The following BMP1 variants were observed in gnomAD, a reference collection of about 807,000 sequenced individuals.
BMP1 encodes bone morphogenetic protein 1.
Under a neutral mutation model 116.8 loss-of-function variants are expected in BMP1, and 63 were observed. That is an observed-to-expected ratio of 0.54 (90% CI 0.44 to 0.67). The LOEUF (loss-of-function observed/expected upper bound fraction) is 0.67, where lower values mean the gene tolerates loss of function less well. BMP1 is among the 30% of genes least tolerant of loss of function. The pLI is 0.00. For synonymous variants in BMP1, 536 were observed against 533.4 expected (o/e 1.00, Z -0.07); for missense variants, 1,183 against 1,358.9 (o/e 0.87, Z 2.04).
intron 19 of BMP1, among the ~76,000 whole-genome samples, chr8:22,210,261 T>G (rs4076873): frequency 0.3 from 45,217 of 151,966 alleles, 8,047 homozygotes; most frequent in African/African-American, 0.5. Context: ...ACGTTAAGAG[T>G]CAATGAGCAA....
At chr8:22,187,156 A>T (rs1354733684) in intron 8 of BMP1, among the ~76,000 whole-genome samples, 2 of 151,658 alleles carry the variant, frequency 1.3e-5, no homozygotes, top group Non-Finnish European at 2.9e-5. Context: ...ACACCCGGCT[A>T]ATTTTTATAT....
At chr8:22,207,183 T>C in intron 17 of BMP1, 120 bp from the exon 18 acceptor site, 1 of 1,386,580 alleles carries the variant, frequency 7.2e-7, no homozygotes, top group Non-Finnish European at 1.0e-6. Flanking sequence ...TCCTTCACTG[T>C]CATCCCCAGC....
intron 15 of BMP1, chr8:22,199,090 C>G (rs752673931): frequency 3.7e-6 from 5 of 1,367,170 alleles, no homozygotes; most frequent in Non-Finnish European, 4.9e-6. Flanking sequence ...CCCCCATGCC[C>G]TGGTCGACAC....
At chr8:22,184,564 G>A (rs1828712783) in intron 8 of BMP1, among the ~76,000 whole-genome samples, 3 of 152,364 alleles carry the variant, frequency 2.0e-5, no homozygotes, top group African/African-American at 7.2e-5. Flanking sequence ...GCACCCTGGG[G>A]ACGTGAACAT....
chr8:22,181,904 C>T (rs1331532880), intron 8 of BMP1, among the ~76,000 whole-genome samples: 1 of 152,124 alleles, frequency 6.6e-6, no homozygotes, highest in Non-Finnish European at 1.5e-5. Context: ...CTTAAGCCCC[C>T]CAGTTGCTCC....
At chr8:22,187,515 T>TG in intron 8 of BMP1, among the ~76,000 whole-genome samples, 1 of 144,010 alleles carries the variant, frequency 6.9e-6, no homozygotes, top group African/African-American at 2.5e-5. Context: ...TTTTTTTTTT[T>TG]TTTTTTTGTA....
In BMP1 at chr8:22,165,882, C is replaced by CGTGCGTGT. The variant is rs1016666673; in HGVS notation, c.148+332_148+333insCGTGTGTG. On this transcript the variant is annotated intron_variant, in intron 1 of 19. Coordinates refer to ENST00000306385, the MANE Select transcript of BMP1 (RefSeq NM_006129.5). ...TTTTCTGGCCAAACTCCTGTGCGTG[C>CGTGCGTGT]GTGTGTGTGTGTGTGTGTGTGTGTG... is the stretch of plus-strand genomic sequence containing the variant. 3.6e-3 allele frequency among the ~76,000 whole-genome samples: 478 copies of CGTGCGTGT among 131,404 alleles called. 5 individuals are homozygous for CGTGCGTGT. The highest frequency in any genetic ancestry group is 0.011 in the African/African-American group (393 of 34,690). The allele number at this position is 131,404 out of a possible 152,430, so 86.2% of individuals were successfully genotyped here. A position where few individuals can be genotyped will look rare whatever the true frequency, so the allele number is the denominator to read the frequency against.
chr8:22,187,973 G>A (rs186083687), intron 8 of BMP1, among the ~76,000 whole-genome samples: 200 of 152,224 alleles, frequency 1.3e-3, no homozygotes, highest in African/African-American at 4.6e-3. Flanking sequence ...ATTGAAGCCA[G>A]ACAGTGAGTC....
chr8:22,199,074 G>C lies in BMP1; in HGVS notation c.2107+1654G>C, dbSNP rs141466591. The stretch of plus-strand genomic sequence containing the variant: ...CACATCTATCAGGCCTGGAGTTACT[G>C]CTCTGCCCCCATGCCCTGGTCGACA... On this transcript the variant is annotated intron_variant, in intron 15 of 19. Coordinates refer to ENST00000306385, the MANE Select transcript of BMP1 (RefSeq NM_006129.5). The C allele has an allele frequency of 1.1e-3, 1,548 of 1,365,968 alleles. 13 individuals carry two copies. The highest frequency in any genetic ancestry group is 1.0e-2 in the South Asian group (874 of 87,682). 84.6% of individuals were successfully genotyped at this position (1,365,968 alleles called of 1,614,324 possible). A position where few individuals can be genotyped will look rare whatever the true frequency, so the allele number is the denominator to read the frequency against.
At chr8:22,196,243 A>G (rs768200922) in intron 13 of BMP1, 2 of 528,860 alleles carry the variant, frequency 3.8e-6, no homozygotes, top group Middle Eastern at 6.2e-4. Flanking sequence ...CCGCCTCTCC[A>G]CGCATGGTCC....
At chr8:22,184,292 C>T (rs186813682) in intron 8 of BMP1, among the ~76,000 whole-genome samples, 184 of 152,326 alleles carry the variant, frequency 1.2e-3, no homozygotes, top group Admixed American at 1.4e-3. Flanking sequence ...TTCTTCCTGG[C>T]TGGCCTGGGC....
rs1563248004 is a variant in BMP1, at chr8:22,179,835, G to C, written c.961+6G>C. On this transcript the variant is annotated splice_donor_region_variant and intron_variant, in intron 7 of 19. Transcript: ENST00000306385. The surrounding 1 kb of genome is among the most constrained non-coding windows in gnomAD (Gnocchi z 4.6). ...CAAGCTTTACAAGTGCCCAGGTCAGGGCAGAGAAGGGATGGGTGAGGGCGT... is the reference window on the plus strand; with the variant it reads ...CAAGCTTTACAAGTGCCCAGGTCAGCGCAGAGAAGGGATGGGTGAGGGCGT... 1 of 1,611,864 alleles carries C rather than the reference G, an allele frequency of 6.2e-7. No individual in the cohort carries two copies. The highest frequency in any genetic ancestry group is 8.5e-7 in the Non-Finnish European group (1 of 1,178,414).
At chr8:22,173,755 G>A (rs1409031871) in intron 2 of BMP1, 40 bp downstream of exon 2, 2 of 1,528,852 alleles carry the variant, frequency 1.3e-6, no homozygotes, top group Non-Finnish European at 1.8e-6. Flanking sequence ...TCCTAGAAAT[G>A]GGTTCCAGGC....
Position 22,180,317 on chromosome 8 carries a change from TG to T in BMP1, c.962-45del, listed in dbSNP as rs776741766. The T allele has an allele frequency of 1.7e-5, 25 of 1,459,796 alleles. No individual in the cohort carries two copies. The African/African-American group carries it at 2.9e-4, about 17-fold the overall frequency. The allele number at this position is 1,459,796 out of a possible 1,614,324, so 90.4% of individuals were successfully genotyped here. Reference sequence around the variant, plus strand: ...GTTCAGGGGTGGGTGAGCCAGAAGATGGGGGGATTTGGCGCCTGCAGCCCTG... The same window carrying T: ...GTTCAGGGGTGGGTGAGCCAGAAGATGGGGGATTTGGCGCCTGCAGCCCTG... On this transcript the variant is annotated intron_variant, in intron 7 of 19. Transcript: ENST00000306385.
chr8:22,176,912 G>T, intron 4 of BMP1, 49 bp from the exon 5 acceptor site: 1 of 1,454,960 alleles, frequency 6.9e-7, no homozygotes, highest in Non-Finnish European at 9.4e-7. Context: ...CTGAGTGGAT[G>T]CACTCCCCCA....
At position 22,179,856 on chromosome 8, in the gene BMP1, G is replaced by A. The variant is rs1414278706; in HGVS notation, c.961+27G>A. The A allele has an allele frequency of 9.4e-6, 15 of 1,601,936 alleles. No individual in the cohort carries two copies. The highest frequency in any genetic ancestry group is 2.7e-5 in the African/African-American group (2 of 74,740). On this transcript the variant is annotated intron_variant, in intron 7 of 19. Transcript: ENST00000306385. The surrounding 1 kb of genome is among the most constrained non-coding windows in gnomAD (Gnocchi z 4.6). ...TCAGGGCAGAGAAGGGATGGGTGAG[G>A]GCGTGGAGGGCAGGGCCTGAGGGAG...
In BMP1 at chr8:22,195,487, C is replaced by A; in HGVS notation, c.1665C>A (p.Asn555Lys). Residue 555 changes from asparagine to lysine, a missense_variant, in exon 13 of 20, where the codon AAC becomes AAA. Transcript: ENST00000306385. ...FKEVDECSRP[N>K]RGGCEQRCLN... ...AGGTGGACGAGTGCTCTCGGCCCAA[C>A]CGCGGGGGCTGTGAGCAGCGGTGCC... The A allele has an allele frequency of 3.7e-6, 6 of 1,611,186 alleles. No homozygotes were observed. The highest frequency in any genetic ancestry group is 5.1e-6 in the Non-Finnish European group (6 of 1,179,348).
At chr8:22,201,358 C>T (rs1037117263) in intron 15 of BMP1, 1 of 1,481,944 alleles carries the variant, frequency 6.7e-7, no homozygotes, top group Non-Finnish European at 8.9e-7. Flanking sequence ...CTTCTCCCCA[C>T]TGTGCCCGTC....
intron 16 of BMP1, among the ~76,000 whole-genome samples, 154 bp from the exon 17 acceptor site, chr8:22,206,700 A>G (rs1206919872): frequency 6.6e-6 from 1 of 152,076 alleles, no homozygotes; most frequent in East Asian, 1.9e-4. Context: ...CAGTAACCTC[A>G]TGAAAAAGAA....
Sources: allele counts gnomAD v4.1 joint callset (sites outside exome capture counted in the v4.1 genomes callset), GRCh38; gene constraint gnomAD v4.1.1; non-coding constraint Gnocchi (gnomAD v3.1); transcripts MANE v1.5; gene names NCBI Gene and HGNC (gene_info 2026-07-23, HGNC 2026-07-21).